Variants in ZNF385B observed in about 807,000 individuals in gnomAD.
ZNF385B encodes the protein zinc finger protein 533.
A neutral mutation model predicts 39.2 loss-of-function variants in ZNF385B; 23 were observed. The observed-to-expected ratio is 0.59, with a 90% CI of 0.42 to 0.83. ZNF385B has a LOEUF of 0.83. ZNF385B is among the 40% of genes least tolerant of loss of function. ZNF385B has a pLI of 0.00. For missense variants in ZNF385B, 552 were observed against 598.9 expected, an observed-to-expected ratio of 0.92 and a Z score of 0.82; for synonymous variants, 205 against 222.6, an observed-to-expected ratio of 0.92 and a Z score of 0.70.
intron 3 of ZNF385B, among the ~76,000 whole-genome samples, chr2:179,636,377 T>C (rs1691754927): frequency 6.6e-6 from 1 of 152,142 alleles, no homozygotes. Context: ...GACTGCAGAA[T>C]TTATGCACAT....
chr2:179,568,428 C>T (rs1476778937), intron 3 of ZNF385B, among the ~76,000 whole-genome samples: 1 of 152,222 alleles, frequency 6.6e-6, no homozygotes, highest in Admixed American at 6.5e-5. Flanking sequence ...AGGGCCAGGC[C>T]TATGGTAGGT....
chr2:179,573,817 T>C (rs901694028), intron 3 of ZNF385B, among the ~76,000 whole-genome samples: 1 of 152,138 alleles, frequency 6.6e-6, no homozygotes, highest in Non-Finnish European at 1.5e-5. Flanking sequence ...TCAGATCTAA[T>C]GCCTATGTGG....
intron 3 of ZNF385B, among the ~76,000 whole-genome samples, chr2:179,730,067 T>G (rs374693500): frequency 7.2e-5 from 11 of 152,316 alleles, no homozygotes; most frequent in African/African-American, 2.6e-4. Context: ...TTGCTTTAGT[T>G]GTTAATTCTA....
chr2:179,851,266 C>G (rs940097593), intron 1 of ZNF385B, among the ~76,000 whole-genome samples: 1 of 152,126 alleles, frequency 6.6e-6, no homozygotes, highest in Non-Finnish European at 1.5e-5. Context: ...GCCCGTGCAA[C>G]GCGGCAAGAC....
At chr2:179,447,719 G>T (rs558009342) in intron 6 of ZNF385B, among the ~76,000 whole-genome samples, 4 of 152,272 alleles carry the variant, frequency 2.6e-5, no homozygotes, top group South Asian at 4.2e-4. Flanking sequence ...GAGAGAAAGG[G>T]AATTAAATCT....
At chr2:179,741,610 T>A (rs1313161776) in intron 3 of ZNF385B, among the ~76,000 whole-genome samples, 2 of 151,982 alleles carry the variant, frequency 1.3e-5, no homozygotes, top group Non-Finnish European at 1.5e-5. Context: ...GGGAATGGAG[T>A]TTTGGTAAAC....
Position 179,660,677 on chromosome 2 carries a change from T to C in ZNF385B, c.298+108826A>G, listed in dbSNP as rs569348436. ...TTCAGTTTCATGATGGATTGTTTGT[T>C]TGACTCCAATACAAAGATAATTATT... On this transcript the variant is annotated intron_variant, in intron 3 of 9. Transcript: ENST00000410066. 1.4e-4 allele frequency among the ~76,000 whole-genome samples: 22 copies of C among 152,328 alleles called. No individual in the cohort carries two copies. In the South Asian group the frequency reaches 4.6e-3, roughly 32 times the overall value.
chr2:179,537,325 AAAAAAAT>A (rs2059636889), intron 4 of ZNF385B, among the ~76,000 whole-genome samples: 1 of 151,140 alleles, frequency 6.6e-6, no homozygotes, highest in African/African-American at 2.5e-5. Context: ...AATAAATAAA[AAAAAAAT>A]AAAAAAGAAA....
intron 1 of ZNF385B, among the ~76,000 whole-genome samples, chr2:179,833,605 T>C (rs981672082): frequency 2.6e-5 from 4 of 152,162 alleles, no homozygotes; most frequent in South Asian, 2.1e-4. Context: ...AGTTGCCTTA[T>C]TACATTTTAA....
At chr2:179,640,873 A>T (rs10185282) in intron 3 of ZNF385B, among the ~76,000 whole-genome samples, 4,873 of 152,236 alleles carry the variant, frequency 0.032, 236 homozygotes, top group African/African-American at 0.11. Context: ...TGGTATAATA[A>T]ACACCACCTA....
intron 3 of ZNF385B, among the ~76,000 whole-genome samples, chr2:179,582,151 T>A: frequency 6.6e-6 from 1 of 152,296 alleles, no homozygotes. Flanking sequence ...AATCAAGTAC[T>A]TTTCTCATTA....
chr2:179,785,736 G>T (rs1275588802), intron 1 of ZNF385B, among the ~76,000 whole-genome samples: 1 of 152,170 alleles, frequency 6.6e-6, no homozygotes, highest in Non-Finnish European at 1.5e-5. Flanking sequence ...ATGAGGAGTT[G>T]CTTCTTACGG....
At chr2:179,765,085 G>A (rs1272205290) in intron 3 of ZNF385B, among the ~76,000 whole-genome samples, 1 of 152,072 alleles carries the variant, frequency 6.6e-6, no homozygotes, top group Non-Finnish European at 1.5e-5. Flanking sequence ...CTTGAAAATT[G>A]GAGGCCTCCA....
chr2:179,557,278 T>C (rs1428480102), intron 3 of ZNF385B, among the ~76,000 whole-genome samples: 1 of 149,156 alleles, frequency 6.7e-6, no homozygotes, highest in Non-Finnish European at 1.5e-5. Context: ...TAGCATTTGG[T>C]GTGTTTTCTT....
intron 5 of ZNF385B, among the ~76,000 whole-genome samples, chr2:179,501,995 A>G (rs1177560396): frequency 6.6e-6 from 1 of 152,222 alleles, no homozygotes; most frequent in Non-Finnish European, 1.5e-5. Context: ...TATACAAAAC[A>G]TTATACAAAG....
At chr2:179,813,749 ATTC>A (rs1343365073) in intron 1 of ZNF385B, among the ~76,000 whole-genome samples, 2 of 152,248 alleles carry the variant, frequency 1.3e-5, no homozygotes, top group African/African-American at 2.4e-5. Context: ...GGAGAAAGGC[ATTC>A]TTACACTTCC....
chr2:179,632,588 A>C (rs1051702482), intron 3 of ZNF385B, among the ~76,000 whole-genome samples: 2 of 152,240 alleles, frequency 1.3e-5, no homozygotes, highest in Non-Finnish European at 2.9e-5. Context: ...AAATGCCCAC[A>C]AGAGAAGGCA....
chr2:179,670,741 A>G (rs1284198266), intron 3 of ZNF385B, among the ~76,000 whole-genome samples: 1 of 152,210 alleles, frequency 6.6e-6, no homozygotes, highest in Non-Finnish European at 1.5e-5. Flanking sequence ...AGAATGAGTG[A>G]ATTTAGGGGG....
intron 3 of ZNF385B, among the ~76,000 whole-genome samples, chr2:179,737,798 A>T (rs2106443295): frequency 1.3e-5 from 2 of 152,334 alleles, no homozygotes; most frequent in Middle Eastern, 3.4e-3. Context: ...TTTACAGATA[A>T]GGAAACCGAG....
Sources: gnomAD v4.1 joint callset for allele counts (sites outside exome capture counted in the v4.1 genomes callset) on GRCh38, gnomAD v4.1.1 for gene constraint, MANE v1.5 for transcripts, NCBI Gene and HGNC (gene_info 2026-07-23, HGNC 2026-07-21) for gene names.